THADA: variants seen among roughly 807,000 people sequenced by gnomAD.
THADA encodes the protein THADA armadillo repeat containing.
In THADA, 213 loss-of-function variants were observed where a neutral mutation model predicts 219.8. That is an observed-to-expected ratio of 0.97 (90% confidence interval 0.87 to 1.09). The LOEUF (loss-of-function observed/expected upper bound fraction) is 1.09, where lower values mean the gene tolerates loss of function less well. Ranked by LOEUF, THADA falls within the 50% of genes least tolerant of loss-of-function variation. THADA has a pLI of 0.00. For synonymous variants in THADA, 1,018 were observed against 828.9 expected (o/e 1.23, Z -3.92); for missense variants, 2,956 against 2,311.3 (o/e 1.28, Z -5.72).
rs763751367 is a variant in THADA, at chr2:43,364,661, C to T, written c.4228-20424G>A. Among the ~76,000 whole-genome samples the T allele has an allele frequency of 5.3e-5, 8 of 152,220 alleles. No homozygotes were observed. In the East Asian group the frequency reaches 1.2e-3, roughly 22 times the overall value. ...GTTAGTATAGTCTACATCCTTATGACGCGCCTGACTTGTTTATTCACTCAG... is the reference window on the plus strand; with the variant it reads ...GTTAGTATAGTCTACATCCTTATGATGCGCCTGACTTGTTTATTCACTCAG... On this transcript the variant is annotated intron_variant, in intron 29 of 37. Coordinates refer to ENST00000405975, the MANE Select transcript of THADA (RefSeq NM_022065.5).
chr2:43,368,737 A>C (rs567331164), intron 29 of THADA, among the ~76,000 whole-genome samples: 39 of 152,052 alleles, frequency 2.6e-4, no homozygotes, highest in Admixed American at 2.1e-3. Flanking sequence ...ACTTCCTTTT[A>C]ATTTACCTAT....
chr2:43,247,727 CAAAAAAAAAAAAAAA>C (rs56687341), intron 36 of THADA, among the ~76,000 whole-genome samples: 1 of 53,376 alleles, frequency 1.9e-5, no homozygotes, highest in South Asian at 1.1e-3. Context: ...GACTCCGTCT[CAAAAAAAAAAAAAAA>C]AAAAAAAAAA....
At chr2:43,379,167 T>C (rs897950676) in intron 29 of THADA, among the ~76,000 whole-genome samples, 1 of 152,078 alleles carries the variant, frequency 6.6e-6, no homozygotes, top group Non-Finnish European at 1.5e-5. Context: ...GCAAACTCAG[T>C]TACAGTATTC....
At chr2:43,488,804 A>G (rs920474165) in intron 25 of THADA, among the ~76,000 whole-genome samples, 1 of 152,120 alleles carries the variant, frequency 6.6e-6, no homozygotes, top group Non-Finnish European at 1.5e-5. Flanking sequence ...TAGCGTTCCA[A>G]TTTCACCAGT....
rs188710507 is a variant in THADA, at chr2:43,518,564, T to C, written c.3374+9315A>G. Among the ~76,000 whole-genome samples, 5 of 152,342 alleles carry C rather than the reference T, an allele frequency of 3.3e-5. No homozygotes were observed. In the East Asian group the frequency reaches 9.6e-4, roughly 29 times the overall value. The stretch of plus-strand genomic sequence containing the variant: ...CAAGTACAGGGTTCAAAAGCAAGTA[T>C]AGTTCAGGTTCATGTAAAAGTGTTA... On this transcript the variant is annotated intron_variant, in intron 22 of 37. Transcript: ENST00000405975.
chr2:43,380,526 A>G (rs1161034176), intron 29 of THADA, among the ~76,000 whole-genome samples: 1 of 152,248 alleles, frequency 6.6e-6, no homozygotes, highest in Admixed American at 6.5e-5. Flanking sequence ...CGTCAGTATG[A>G]ACTCTTGTTT....
chr2:43,254,251 T>C (rs1670089237), intron 36 of THADA, among the ~76,000 whole-genome samples: 1 of 152,134 alleles, frequency 6.6e-6, no homozygotes, highest in South Asian at 2.1e-4. Context: ...AGAGCTGCTG[T>C]AGCCATCTTA....
Position 43,460,192 on chromosome 2 carries a change from C to T in THADA, c.3836+25042G>A, listed in dbSNP as rs140645917. 9.9e-4 allele frequency among the ~76,000 whole-genome samples: 129 copies of T among 130,368 alleles called. 1 individual carries two copies. The highest frequency in any genetic ancestry group is 3.4e-3 in the African/African-American group (117 of 34,608). 85.5% of individuals were successfully genotyped at this position (130,368 alleles called of 152,430 possible). On this transcript the variant is annotated intron_variant, in intron 26 of 37. Coordinates refer to ENST00000405975, the MANE Select transcript of THADA (RefSeq NM_022065.5). Reference sequence around the variant, plus strand: ...AAAGTAAACATTTAATGAATACTTACTTGCCTTTGCTCCCAAAAGGATCTT... The same window carrying T: ...AAAGTAAACATTTAATGAATACTTATTTGCCTTTGCTCCCAAAAGGATCTT...
rs1339478111 is a variant in THADA at position 43,475,207 on chromosome 2, A to AGGGT, written c.3836+10026_3836+10027insACCC. Among the ~76,000 whole-genome samples the AGGGT allele has an allele frequency of 2.0e-5, 3 of 152,252 alleles. No individual in the cohort carries two copies. The East Asian group carries it at 5.8e-4, about 29-fold the overall frequency. ...TGAGGTGGGTGGATCACTTGAGCTCAGGAATTTGAGACCAGCCTGGGCAAA... is the reference window on the plus strand; with the variant it reads ...TGAGGTGGGTGGATCACTTGAGCTCAGGGTGGAATTTGAGACCAGCCTGGGCAAA... On this transcript the variant is annotated intron_variant, in intron 26 of 37. Coordinates refer to ENST00000405975, the MANE Select transcript of THADA (RefSeq NM_022065.5).
intron 26 of THADA, among the ~76,000 whole-genome samples, chr2:43,466,775 G>A (rs1330651202): frequency 6.6e-6 from 1 of 152,134 alleles, no homozygotes; most frequent in East Asian, 1.9e-4. Flanking sequence ...AGGCAACTGA[G>A]GCAGAAAGCA....
intron 8 of THADA, among the ~76,000 whole-genome samples, chr2:43,580,831 G>C (rs1700355130): frequency 6.6e-6 from 1 of 151,574 alleles, no homozygotes; most frequent in African/African-American, 2.4e-5. Context: ...AGTGAGCCAA[G>C]ATCACGCCAC....
chr2:43,415,492 G>A (rs1320732432), intron 28 of THADA, among the ~76,000 whole-genome samples: 1 of 152,122 alleles, frequency 6.6e-6, no homozygotes. Context: ...CTCCAAGCAT[G>A]GGCACTCCAC....
intron 29 of THADA, among the ~76,000 whole-genome samples, chr2:43,359,579 C>G (rs112557983): frequency 1.3e-4 from 20 of 152,318 alleles, no homozygotes; most frequent in African/African-American, 4.1e-4. Flanking sequence ...TCTTGAGAGG[C>G]TGAGGCAGAA....
chr2:43,263,958 C>T (rs972543222), intron 36 of THADA, among the ~76,000 whole-genome samples: 7 of 152,114 alleles, frequency 4.6e-5, no homozygotes, highest in African/African-American at 1.7e-4. Context: ...CCAAATTTCC[C>T]CACCCACCAA....
At chr2:43,383,759 C>G (rs17030731) in intron 29 of THADA, among the ~76,000 whole-genome samples, 12,542 of 152,114 alleles carry the variant, frequency 0.082, 625 homozygotes, top group South Asian at 0.18. Context: ...TAAACTGTGC[C>G]TGACCTCAGG....
At chr2:43,492,910 G>C (rs928429094) in intron 25 of THADA, among the ~76,000 whole-genome samples, 4 of 152,146 alleles carry the variant, frequency 2.6e-5, no homozygotes, top group Non-Finnish European at 5.9e-5. Flanking sequence ...GAGTGAATTA[G>C]AAAAAAGGTC....
At chr2:43,233,050 A>G (rs1207112748) in intron 36 of THADA, 168 bp from the exon 37 acceptor site, 3 of 659,464 alleles carry the variant, frequency 4.5e-6, no homozygotes, top group Non-Finnish European at 7.9e-6. Context: ...CACCTTCTGA[A>G]TCCTGCTATT....
At chr2:43,276,864 C>A (rs867884370) in intron 36 of THADA, among the ~76,000 whole-genome samples, 12 of 152,156 alleles carry the variant, frequency 7.9e-5, no homozygotes, top group African/African-American at 2.9e-4. Flanking sequence ...AGAGGCATGC[C>A]TTGTTATTTT....
intron 25 of THADA, 107 bp downstream of exon 25, chr2:43,498,726 T>A (rs530654033): frequency 8.3e-7 from 1 of 1,202,262 alleles, no homozygotes; most frequent in South Asian, 2.0e-5. Flanking sequence ...AGAAAATTCA[T>A]GGTAAAGGGC....
Sources: gnomAD v4.1 joint callset for allele counts (sites outside exome capture counted in the v4.1 genomes callset) on GRCh38, gnomAD v4.1.1 for gene constraint, MANE v1.5 for transcripts, NCBI Gene and HGNC (gene_info 2026-07-23, HGNC 2026-07-21) for gene names.